The following ZNF438 variants were observed in gnomAD, a reference collection of about 807,000 sequenced individuals.
ZNF438 encodes zinc finger protein 438.
A neutral mutation model predicts 38.0 loss-of-function variants in ZNF438; 25 were observed. That is an observed-to-expected ratio of 0.66 (90% confidence interval 0.48 to 0.92). The LOEUF is 0.92. Among genes scored for constraint, ZNF438 ranks in the 40% least tolerant of loss-of-function variants. The pLI is 0.00. For missense variants in ZNF438, 1,007 were observed against 999.6 expected, an observed-to-expected ratio of 1.01 and a Z score of -0.10; for synonymous variants, 372 against 364.1, an observed-to-expected ratio of 1.02 and a Z score of -0.25.
At chr10:30,958,080 TG>T (rs1158338717) in intron 1 of ZNF438, among the ~76,000 whole-genome samples, 3 of 146,894 alleles carry the variant, frequency 2.0e-5, no homozygotes, top group Non-Finnish European at 3.1e-5. Flanking sequence ...CGAGGTCTTT[TG>T]TAGTTCCATT....
Position 30,845,212 on chromosome 10 carries a change from G to T in ZNF438, c.2236C>A (p.Pro746Thr), listed in dbSNP as rs751254635. 4 of 1,614,180 alleles carry T rather than the reference G, an allele frequency of 2.5e-6. No individual in the cohort carries two copies. The Admixed American group carries it at 5.0e-5, about 20-fold the overall frequency. Residue 746 changes from proline (P) to threonine (T), a missense_variant, in exon 6 of 6, where the codon CCC becomes ACC. By Grantham distance (38) the Pro-to-Thr change is conservative (BLOSUM62 -1). Coordinates refer to ENST00000413025, the Ensembl canonical transcript of ZNF438. ...CTTGGCTTGTTGGTTCCTGACTGGGGTCCTTCATTTTCCATGAGCATTTCC... is the reference window on the plus strand; with the variant it reads ...CTTGGCTTGTTGGTTCCTGACTGGGTTCCTTCATTTTCCATGAGCATTTCC...
chr10:30,865,957 A>G (rs1045098043), intron 4 of ZNF438, among the ~76,000 whole-genome samples: 1 of 152,122 alleles, frequency 6.6e-6, no homozygotes, highest in Non-Finnish European at 1.5e-5. Context: ...TCATATCAAG[A>G]TGTCATTTGC....
At chr10:30,848,457 G>C in intron 5 of ZNF438, 74 bp downstream of exon 6, 1 of 1,507,132 alleles carries the variant, frequency 6.6e-7, no homozygotes, top group Non-Finnish European at 8.9e-7. Flanking sequence ...TCTCCTTTCT[G>C]AATATGAAAT....
intron 3 of ZNF438, among the ~76,000 whole-genome samples, chr10:30,902,122 G>A (rs751638375): frequency 1.4e-4 from 21 of 152,142 alleles, no homozygotes; most frequent in Non-Finnish European, 2.4e-4. Context: ...CAGTGTGGAA[G>A]ACTACCTGAG....
chr10:30,953,697 C>T (rs567439790), intron 1 of ZNF438, among the ~76,000 whole-genome samples: 1 of 150,132 alleles, frequency 6.7e-6, no homozygotes, highest in East Asian at 1.9e-4. Context: ...GTGGCATTGG[C>T]TTTGGGACCA....
At chr10:30,951,352 C>T (rs2048170843) in intron 1 of ZNF438, among the ~76,000 whole-genome samples, 2 of 149,196 alleles carry the variant, frequency 1.3e-5, no homozygotes, top group Non-Finnish European at 1.5e-5. Flanking sequence ...ACAGGGATGC[C>T]CTCTCTCACC....
intron 2 of ZNF438, among the ~76,000 whole-genome samples, chr10:30,917,302 A>G (rs1332307045): frequency 6.6e-6 from 1 of 152,102 alleles, no homozygotes; most frequent in Admixed American, 6.6e-5. Flanking sequence ...TATTATGCAC[A>G]TATATTATGT....
intron 1 of ZNF438, among the ~76,000 whole-genome samples, chr10:30,948,059 G>A (rs147601135): frequency 6.6e-6 from 1 of 152,232 alleles, no homozygotes; most frequent in Non-Finnish European, 1.5e-5. Flanking sequence ...TCTCAGTACG[G>A]GCAGACTGCC....
chr10:30,881,433 A>C (rs1378887992), intron 3 of ZNF438, among the ~76,000 whole-genome samples: 1 of 152,154 alleles, frequency 6.6e-6, no homozygotes, highest in East Asian at 1.9e-4. Context: ...AAAGTATGTG[A>C]AAGACCTATA....
chr10:30,855,534 A>G (rs2034468221), intron 4 of ZNF438, among the ~76,000 whole-genome samples: 1 of 152,236 alleles, frequency 6.6e-6, no homozygotes, highest in Non-Finnish European at 1.5e-5. Context: ...GTTGAATCCA[A>G]TTTCTCAGAA....
At chr10:30,917,589 T>C (rs1336207167) in intron 2 of ZNF438, among the ~76,000 whole-genome samples, 1 of 152,202 alleles carries the variant, frequency 6.6e-6, no homozygotes, top group Non-Finnish European at 1.5e-5. Flanking sequence ...CATTTGAATA[T>C]CTTCCGTTGT....
intron 1 of ZNF438, among the ~76,000 whole-genome samples, chr10:31,005,783 T>G (rs557607554): frequency 6.6e-6 from 1 of 152,236 alleles, no homozygotes; most frequent in Non-Finnish European, 1.5e-5. Context: ...TATTTACTAT[T>G]TGAACAATGC....
intron 1 of ZNF438, among the ~76,000 whole-genome samples, chr10:30,948,499 T>G (rs983425725): frequency 2.6e-5 from 4 of 151,976 alleles, no homozygotes; most frequent in Non-Finnish European, 5.9e-5. Context: ...TTGAAAACTT[T>G]GAAAAAAATT....
At chr10:30,898,148 A>G (rs1268631399) in intron 3 of ZNF438, among the ~76,000 whole-genome samples, 1 of 152,186 alleles carries the variant, frequency 6.6e-6, no homozygotes, top group Non-Finnish European at 1.5e-5. Context: ...AGAAATTGCT[A>G]AGGGTGGTAG....
At chr10:30,966,149 T>C (rs949987048) in intron 1 of ZNF438, among the ~76,000 whole-genome samples, 8 of 152,014 alleles carry the variant, frequency 5.3e-5, no homozygotes, top group South Asian at 2.1e-4. Flanking sequence ...CTGAGCAATA[T>C]AGCGAGACCC....
At chr10:31,024,560 G>A (rs978832340) in intron 1 of ZNF438, among the ~76,000 whole-genome samples, 15 of 152,248 alleles carry the variant, frequency 9.9e-5, no homozygotes, top group Admixed American at 2.0e-4. Context: ...CCCGGGAGGC[G>A]GAGCTTGCAG....
rs756689411 is a variant in ZNF438, at chr10:30,848,829, T to C, written c.1576A>G (p.Met526Val). The C allele has an allele frequency of 3.7e-6, 6 of 1,614,094 alleles. No individual in the cohort carries two copies. In the African/African-American group the frequency reaches 4.0e-5, roughly 11 times the overall value. ...GGGCGTCTGTTGGTGTGTGTATTCA[T>C]GTGGTCTCGAAGGTGCTGTTTGAAC... The change falls in exon 5 of 6, where the codon ATG becomes GTG. Residue 526 changes from methionine to valine, a missense_variant. Physicochemically the swap from Met to Val is conservative, Grantham distance 21 (BLOSUM62 1). Transcript: ENST00000413025.
chr10:31,009,160 C>T (rs548986114), intron 1 of ZNF438, among the ~76,000 whole-genome samples: 9 of 152,040 alleles, frequency 5.9e-5, no homozygotes, highest in African/African-American at 9.7e-5. Context: ...GATATAAGTC[C>T]GTTATCAGAT....
chr10:30,918,917 T>C (rs542735184), intron 2 of ZNF438: 1 of 152,318 alleles, frequency 6.6e-6, no homozygotes, highest in African/African-American at 2.4e-5. Context: ...TTTTGACATC[T>C]GACCCACGCA....
Sources: gnomAD v4.1 joint callset for allele counts (sites outside exome capture counted in the v4.1 genomes callset) on GRCh38, gnomAD v4.1.1 for gene constraint, MANE v1.5 for transcripts, NCBI Gene and HGNC (gene_info 2026-07-23, HGNC 2026-07-21) for gene names.